Variants in CAPS2 observed in about 807,000 individuals in gnomAD.
The protein encoded by CAPS2 is calcyphosine 2, also known as calcyphosin-2.
CAPS2 carries 98 observed loss-of-function variants against 86.5 expected under a neutral mutation model. That is an observed-to-expected ratio of 1.13 (90% CI 0.96 to 1.34). The LOEUF (loss-of-function observed/expected upper bound fraction) is 1.34. CAPS2 is among the 40% of genes most tolerant of loss of function. The pLI is 0.00. For missense variants in CAPS2, 729 were observed against 686.8 expected (o/e 1.06, Z -0.69); for synonymous variants, 210 against 225.1 (o/e 0.93, Z 0.60).
At position 75,279,449 on chromosome 12, in the gene CAPS2, T is replaced by G. The variant is rs1346972380; in HGVS notation, c.1613-384A>C. Among the ~76,000 whole-genome samples the G allele has an allele frequency of 3.3e-5, 5 of 152,194 alleles. No individual in the cohort carries two copies. The East Asian group carries it at 9.6e-4, about 29-fold the overall frequency. The stretch of plus-strand genomic sequence containing the variant: ...AGAAAAAGGGTCAAAAATTTCTATG[T>G]GACCCTCTAAAACGTTTTAAAGTCA... On this transcript the variant is annotated intron_variant, in intron 16 of 16. Transcript: ENST00000393284.
chr12:75,334,182 G>A (rs2041542720), upstream of CAPS2: 1 of 152,286 alleles, frequency 6.6e-6, no homozygotes, highest in East Asian at 1.9e-4. Context: ...TGTTTGACAA[G>A]TTGATAATTT....
At chr12:75,301,169 C>T (rs1265550253) in intron 8 of CAPS2, among the ~76,000 whole-genome samples, 1 of 152,182 alleles carries the variant, frequency 6.6e-6, no homozygotes, top group Non-Finnish European at 1.5e-5. Context: ...TATATTTCTC[C>T]TTTGCTTCAC....
chr12:75,330,278 G>A (rs1226606760), upstream of CAPS2, among the ~76,000 whole-genome samples: 5 of 152,138 alleles, frequency 3.3e-5, no homozygotes, highest in Admixed American at 1.3e-4. Context: ...AAAACCCAAA[G>A]GGGTGAAACC....
intron 1 of CAPS2, among the ~76,000 whole-genome samples, chr12:75,351,837 G>A (rs975932669): frequency 1.2e-4 from 18 of 152,184 alleles, no homozygotes; most frequent in African/African-American, 2.6e-4. Context: ...ATGAGCCATC[G>A]TGCTGGCCCA....
At chr12:75,374,528 G>A (rs767349443) in intron 1 of CAPS2, among the ~76,000 whole-genome samples, 4 of 152,098 alleles carry the variant, frequency 2.6e-5, no homozygotes, top group Non-Finnish European at 5.9e-5. Context: ...CCATCCCCTC[G>A]CATGCAAATA....
chr12:75,346,149 C>A (rs555688981), intron 1 of CAPS2, among the ~76,000 whole-genome samples: 23 of 152,120 alleles, frequency 1.5e-4, no homozygotes, highest in Admixed American at 9.2e-4. Context: ...TCCAAAAGCC[C>A]CAAAAAGTCA....
intron 8 of CAPS2, among the ~76,000 whole-genome samples, chr12:75,300,571 A>C: frequency 6.6e-6 from 1 of 150,858 alleles, no homozygotes; most frequent in Non-Finnish European, 1.5e-5. Flanking sequence ...AAAAAAAAAA[A>C]AAAAAAAAAA....
chr12:75,295,940 A>G (rs1259518551), intron 11 of CAPS2, among the ~76,000 whole-genome samples: 1 of 152,240 alleles, frequency 6.6e-6, no homozygotes, highest in Non-Finnish European at 1.5e-5. Flanking sequence ...ATATAAAGAA[A>G]AAACTACCAG....
intron 7 of CAPS2, chr12:75,306,153 C>A (rs911621368): frequency 9.8e-7 from 1 of 1,021,446 alleles, no homozygotes; most frequent in Non-Finnish European, 1.5e-6. Context: ...CCGAGGAGTT[C>A]GTCCAGCAGA....
intron 11 of CAPS2, among the ~76,000 whole-genome samples, chr12:75,295,461 G>A (rs1216005323): frequency 6.6e-6 from 1 of 152,052 alleles, no homozygotes; most frequent in Non-Finnish European, 1.5e-5. Context: ...CTAAAAATCT[G>A]GACACATACG....
chr12:75,337,468 A>G (rs996412402), intron 1 of CAPS2, among the ~76,000 whole-genome samples: 7 of 151,978 alleles, frequency 4.6e-5, no homozygotes, highest in African/African-American at 1.7e-4. Context: ...GAACAAATTT[A>G]TACTAATAAA....
At chr12:75,306,415 G>C in intron 7 of CAPS2, 1 of 371,704 alleles carries the variant, frequency 2.7e-6, no homozygotes, top group Non-Finnish European at 5.1e-6. Context: ...CCTGTGGAAG[G>C]GTGGGGGTGG....
chr12:75,321,619 T>G (rs1362803995), intron 4 of CAPS2, 43 bp from the exon 5 acceptor site: 5 of 1,388,590 alleles, frequency 3.6e-6, no homozygotes, highest in African/African-American at 1.5e-5. Flanking sequence ...AAAAAAAAAG[T>G]ATTAATTTTC....
intron 1 of CAPS2, chr12:75,371,365 C>A: frequency 5.0e-6 from 1 of 200,474 alleles, no homozygotes; most frequent in Non-Finnish European, 1.1e-5. Flanking sequence ...CTGGTTTATT[C>A]TAGCTGGCAG....
chr12:75,277,297 T>C, exon 17 of CAPS2: 2 of 968,894 alleles, frequency 2.1e-6, no homozygotes, highest in Non-Finnish European at 2.5e-6. Flanking sequence ...TAAGAACAGG[T>C]TTCTTAAGAA....
rs190161380 is a variant in CAPS2, at chr12:75,323,121, C to T, written c.178-34G>A. On this transcript the variant is annotated intron_variant, in intron 3 of 16. Transcript: ENST00000393284. ...TAAAGTTAATGATATTTCTTATATG[C>T]TATGTGTAATATTGTGTTTTAATGT... 58 of 1,492,592 alleles carry T rather than the reference C, an allele frequency of 3.9e-5. No homozygotes were observed. The African/African-American group carries it at 7.0e-4, about 18-fold the overall frequency. 92.5% of individuals were successfully genotyped at this position (1,492,592 alleles called of 1,614,324 possible). A position where few individuals can be genotyped will look rare whatever the true frequency, so the allele number is the denominator to read the frequency against.
intron 5 of CAPS2, among the ~76,000 whole-genome samples, chr12:75,317,634 C>T (rs1380621043): frequency 6.6e-6 from 1 of 152,120 alleles, no homozygotes; most frequent in Non-Finnish European, 1.5e-5. Flanking sequence ...TGGTAACCCT[C>T]TTAGGCCAAA....
chr12:75,384,473 G>A (rs997907222), intron 1 of CAPS2, among the ~76,000 whole-genome samples: 3 of 152,144 alleles, frequency 2.0e-5, no homozygotes, highest in African/African-American at 7.2e-5. Context: ...ACAATCTGAA[G>A]AGGCCTATTC....
chr12:75,355,912 A>T lies in CAPS2; in HGVS notation c.-394-32690T>A, dbSNP rs563077574. On this transcript the variant is annotated intron_variant, in intron 1 of 5. Transcript: ENST00000551829. Reference sequence around the variant, plus strand: ...CAAACACCACATGTTCTCATTTACAAATGGGAGCTGAACAATGGGAACGCT... The same window carrying T: ...CAAACACCACATGTTCTCATTTACATATGGGAGCTGAACAATGGGAACGCT... Among the ~76,000 whole-genome samples, 5 of 152,304 alleles carry T rather than the reference A, an allele frequency of 3.3e-5. No individual in the cohort carries two copies. In the South Asian group the frequency reaches 8.3e-4, roughly 25 times the overall value.
Sources: gnomAD v4.1 joint callset for allele counts (sites outside exome capture counted in the v4.1 genomes callset) on GRCh38, gnomAD v4.1.1 for gene constraint, MANE v1.5 for transcripts, NCBI Gene and HGNC (gene_info 2026-07-23, HGNC 2026-07-21) for gene names.